The following MPRIP variants were observed in gnomAD, a reference collection of about 807,000 sequenced individuals.
MPRIP encodes myosin phosphatase Rho interacting protein.
A neutral mutation model predicts 234.9 loss-of-function variants in MPRIP; 59 were observed. The observed-to-expected ratio is 0.25, with a 90% CI of 0.20 to 0.31. MPRIP has a LOEUF of 0.31. MPRIP is among the 10% of genes least tolerant of loss of function. The probability of loss-of-function intolerance (pLI) is 1.00; values close to 1 mark genes in which losing one functional copy is unlikely to be tolerated. For missense variants in MPRIP, 2,436 were observed against 3,071.0 expected, an observed-to-expected ratio of 0.79 and a Z score of 4.89; for synonymous variants, 1,144 against 1,263.9, an observed-to-expected ratio of 0.91 and a Z score of 2.01.
chr17:17,111,396 G>GC (rs2090169243), intron 3 of MPRIP, among the ~76,000 whole-genome samples: 1 of 152,160 alleles, frequency 6.6e-6, no homozygotes, highest in Non-Finnish European at 1.5e-5. Flanking sequence ...GTGTCCTGAG[G>GC]CAGGACCAGG....
In MPRIP at chr17:17,088,920, C is replaced by A. The variant is rs1299514022; in HGVS notation, c.267+10844C>A. ...TCTCTGAACCCGGGGAGCAGTTGCACTGGTGGGATCTCAGAGATGCAGGTC... is the reference window on the plus strand; with the variant it reads ...TCTCTGAACCCGGGGAGCAGTTGCAATGGTGGGATCTCAGAGATGCAGGTC... On this transcript the variant is annotated intron_variant, in intron 3 of 23. Coordinates refer to ENST00000651222, the MANE Select transcript of MPRIP (RefSeq NM_001364716.4). Among the ~76,000 whole-genome samples, 5 of 152,212 alleles carry A rather than the reference C, an allele frequency of 3.3e-5. No homozygotes were observed. In the East Asian group the frequency reaches 9.6e-4, roughly 29 times the overall value.
chr17:17,150,022 C>G, intron 11 of MPRIP, 122 bp from the exon 12 acceptor site: 1 of 724,114 alleles, frequency 1.4e-6, no homozygotes, highest in Non-Finnish European at 2.5e-6. Flanking sequence ...GGTGTCCTCA[C>G]TTGTCAGTGT....
At chr17:17,065,242 G>A (rs577850600) in intron 1 of MPRIP, among the ~76,000 whole-genome samples, 101 of 152,074 alleles carry the variant, frequency 6.6e-4, no homozygotes, top group African/African-American at 2.3e-3. Context: ...CCTACTTCGT[G>A]GCTTATCTTT....
At chr17:17,109,622 T>C (rs2090130041) in intron 3 of MPRIP, among the ~76,000 whole-genome samples, 1 of 152,234 alleles carries the variant, frequency 6.6e-6, no homozygotes, top group African/African-American at 2.4e-5. Context: ...TCTATTTCCT[T>C]GTTCCATTAG....
At chr17:17,086,134 G>A (rs2089585273) in intron 3 of MPRIP, among the ~76,000 whole-genome samples, 1 of 151,966 alleles carries the variant, frequency 6.6e-6, no homozygotes, top group Non-Finnish European at 1.5e-5. Flanking sequence ...TGAATGAGCA[G>A]TGCCCATGTT....
At chr17:17,168,905 A>T in intron 16 of MPRIP, 1 of 456,612 alleles carries the variant, frequency 2.2e-6, no homozygotes, top group Non-Finnish European at 4.4e-6. Context: ...GCTCCTGCCT[A>T]CACATCCTCA....
rs1375690089 is a variant in MPRIP, at chr17:17,165,020, G to C, written c.3429G>C (p.Gln1143His). The C allele has an allele frequency of 7.7e-7, 1 of 1,301,716 alleles. No homozygotes were observed. The highest frequency in any genetic ancestry group is 2.3e-5 in the Admixed American group (1 of 43,568). 80.6% of individuals were successfully genotyped at this position (1,301,716 alleles called of 1,614,324 possible). The change falls in exon 16 of 24, where the codon CAG becomes CAC. Residue 1143 changes from glutamine (Q) to histidine (H), a missense_variant. Transcript: ENST00000651222. ...TGAGGAGAAGAGAGGCTGACAACCA[G>C]AGCCTGGAGCACTCCTACCAGAGGG... is the stretch of plus-strand genomic sequence containing the variant. ...EKLRRREADN[Q>H]SLEHSYQRVS...
intron 13 of MPRIP, among the ~76,000 whole-genome samples, chr17:17,155,717 G>A (rs373784622): frequency 1.6e-4 from 24 of 152,372 alleles, no homozygotes; most frequent in African/African-American, 4.6e-4. Flanking sequence ...CCAAGAGGCC[G>A]TGACCGGGAC....
At chr17:17,075,288 C>A (rs2089301484) in intron 1 of MPRIP, among the ~76,000 whole-genome samples, 1 of 152,212 alleles carries the variant, frequency 6.6e-6, no homozygotes, top group African/African-American at 2.4e-5. Context: ...AAAGCAGTCT[C>A]TTCTCCAGGC....
intron 3 of MPRIP, among the ~76,000 whole-genome samples, chr17:17,122,439 C>T (rs1304759058): frequency 1.3e-5 from 2 of 152,210 alleles, no homozygotes; most frequent in Non-Finnish European, 2.9e-5. Context: ...CTGCAAGCTC[C>T]GCCTCCCGGG....
At position 17,185,496 on chromosome 17, in the gene MPRIP, A is replaced by G; in HGVS notation, c.*602A>G. On this transcript the variant is annotated 3_prime_UTR_variant, in exon 24 of 24. Transcript: ENST00000651222. The stretch of plus-strand genomic sequence containing the variant: ...TGAGAGTCGTGGCAAACCTTTCACA[A>G]CCTGGAAAATGTTGAAAGCAACCAT... 1 of 457,204 alleles carries G rather than the reference A, an allele frequency of 2.2e-6. No individual in the cohort carries two copies. Among genetic ancestry groups the G allele is most frequent in the South Asian group, 1.5e-5 (1 of 64,562 alleles). 28.3% of individuals were successfully genotyped at this position (457,204 alleles called of 1,614,324 possible).
chr17:17,051,306 A>G (rs1192220884), intron 1 of MPRIP, among the ~76,000 whole-genome samples: 1 of 152,006 alleles, frequency 6.6e-6, no homozygotes, highest in Non-Finnish European at 1.5e-5. Flanking sequence ...GCAGCGAGGC[A>G]CAGGGGAAGA....
intron 22 of MPRIP, among the ~76,000 whole-genome samples, chr17:17,179,270 A>T (rs1037629613): frequency 5.3e-5 from 8 of 152,016 alleles, no homozygotes; most frequent in Admixed American, 1.3e-4. Flanking sequence ...AACATTGTGA[A>T]ACCCCGTCTC....
intron 3 of MPRIP, among the ~76,000 whole-genome samples, chr17:17,097,578 G>T (rs1439538246): frequency 1.3e-5 from 2 of 152,144 alleles, no homozygotes; most frequent in Non-Finnish European, 2.9e-5. Context: ...CATTCCATTG[G>T]GTGGCTGTAT....
intron 11 of MPRIP, chr17:17,149,850 A>G (rs1299642975): frequency 5.4e-6 from 1 of 184,854 alleles, no homozygotes; most frequent in African/African-American, 2.3e-5. Flanking sequence ...TCCACCTAAC[A>G]GAAGCTCTTC....
chr17:17,050,602 C>T (rs919404491), intron 1 of MPRIP, among the ~76,000 whole-genome samples: 2 of 152,226 alleles, frequency 1.3e-5, no homozygotes, highest in African/African-American at 2.4e-5. Context: ...TGCTGCTTCT[C>T]TGGGACTTGT....
chr17:17,164,674 G>A lies in MPRIP; in HGVS notation c.3083G>A (p.Ser1028Asn). 1 of 1,257,604 alleles carries A rather than the reference G, an allele frequency of 8.0e-7. No homozygotes were observed. The highest frequency in any genetic ancestry group is 1.4e-5 in the South Asian group (1 of 73,770). 77.9% of individuals were successfully genotyped at this position (1,257,604 alleles called of 1,614,324 possible). A position where few individuals can be genotyped will look rare whatever the true frequency, so the allele number is the denominator to read the frequency against. ...AGAAACTATGAGCTGCTGCTGGAGA[G>A]CTGTGAGAAGGAGAAGCAGGCATTG... Reference protein sequence around the residue: ...LQRNYELLLESCEKEKQALLQ... With the variant: ...LQRNYELLLENCEKEKQALLQ... Residue 1028 changes from serine (S) to asparagine (N), a missense_variant, in exon 16 of 24, where the codon AGC becomes AAC. Physicochemically the swap from Ser to Asn is conservative, Grantham distance 46. Transcript: ENST00000651222.
intron 19 of MPRIP, 140 bp from the exon 20 acceptor site, chr17:17,175,153 A>C: frequency 3.2e-6 from 4 of 1,234,532 alleles, no homozygotes; most frequent in Non-Finnish European, 4.6e-6. Context: ...ACAGAAAGGA[A>C]TTAAGGGTTA....
chr17:17,112,360 A>C (rs2090189695), intron 3 of MPRIP, among the ~76,000 whole-genome samples: 1 of 152,128 alleles, frequency 6.6e-6, no homozygotes, highest in Non-Finnish European at 1.5e-5. Flanking sequence ...ACAAGTGCCC[A>C]TCTCACAGCA....
Sources: gnomAD v4.1 joint callset for allele counts (sites outside exome capture counted in the v4.1 genomes callset) on GRCh38, gnomAD v4.1.1 for gene constraint, MANE v1.5 for transcripts, NCBI Gene and HGNC (gene_info 2026-07-23, HGNC 2026-07-21) for gene names.